Variants in FYB1 observed in about 807,000 individuals in gnomAD.
FYB1 encodes the protein FYN-binding protein 1.
A neutral mutation model predicts 94.1 loss-of-function variants in FYB1; 41 were observed. The observed-to-expected ratio is 0.44, with a 90% CI of 0.34 to 0.57. The LOEUF (loss-of-function observed/expected upper bound fraction) is 0.57, where lower values mean the gene tolerates loss of function less well. FYB1 is among the 20% of genes least tolerant of loss of function. The pLI is 0.02. For missense variants in FYB1, 1,050 were observed against 976.8 expected, an observed-to-expected ratio of 1.07 and a Z score of -1.00; for synonymous variants, 367 against 353.2, an observed-to-expected ratio of 1.04 and a Z score of -0.44.
intron 1 of FYB1, among the ~76,000 whole-genome samples, chr5:39,212,394 A>T (rs1749479227): frequency 6.6e-6 from 1 of 152,238 alleles, no homozygotes; most frequent in Non-Finnish European, 1.5e-5. Flanking sequence ...GGAAAGTGAA[A>T]GCTATACATT....
intron 2 of FYB1, among the ~76,000 whole-genome samples, chr5:39,167,693 G>C (rs992136476): frequency 4.1e-4 from 63 of 152,240 alleles, no homozygotes; most frequent in Middle Eastern, 3.4e-3. Flanking sequence ...GCAGTGGTGG[G>C]GGGAAGTGTT....
intron 2 of FYB1, among the ~76,000 whole-genome samples, chr5:39,196,510 C>T (rs1360790752): frequency 7.2e-5 from 11 of 152,094 alleles, no homozygotes; most frequent in African/African-American, 2.4e-5. Flanking sequence ...AAATAGAATT[C>T]TGTGAAAGAA....
At chr5:39,195,187 G>T (rs186618113) in intron 2 of FYB1, among the ~76,000 whole-genome samples, 2 of 152,240 alleles carry the variant, frequency 1.3e-5, no homozygotes, top group East Asian at 3.9e-4. Flanking sequence ...CGTTCCCAGT[G>T]CACAGTGACA....
At chr5:39,227,114 C>T (rs1201805229) in intron 1 of FYB1, among the ~76,000 whole-genome samples, 2 of 152,128 alleles carry the variant, frequency 1.3e-5, no homozygotes, top group African/African-American at 2.4e-5. Flanking sequence ...CACATAAATT[C>T]ACACACACTC....
intron 1 of FYB1, among the ~76,000 whole-genome samples, chr5:39,216,847 A>G (rs111366223): frequency 0.027 from 4,046 of 152,330 alleles, 79 homozygotes; most frequent in Non-Finnish European, 0.042. Context: ...CACTGCTCTG[A>G]CCAACTCACA....
intron 2 of FYB1, among the ~76,000 whole-genome samples, chr5:39,198,573 C>T (rs1748030519): frequency 6.6e-6 from 1 of 152,016 alleles, no homozygotes; most frequent in Non-Finnish European, 1.5e-5. Flanking sequence ...TATGATGGTA[C>T]AAAAGCAATA....
At position 39,202,012 on chromosome 5, in the gene FYB1, G is replaced by A. The variant is rs775511693; in HGVS notation, c.949C>T (p.Pro317Ser). 1.2e-6 allele frequency: 2 copies of A among 1,613,868 alleles called. No homozygotes were observed. The highest frequency in any genetic ancestry group is 2.7e-5 in the African/African-American group (2 of 74,916). ...GGCCCCCCCACTGTCAGCTTAGAAG[G>A]GGCCTTAGGGAACCTGGCAGGAGGA... ...GTPPARFPKA[P>S]SKLTVGGPWG... The change falls in exon 2 of 19, where the codon CCT (proline) becomes TCT (serine). Residue 317 changes from proline (P) to serine (S), a missense_variant. Physicochemically the swap from Pro to Ser is moderately conservative, Grantham distance 74. Coordinates refer to ENST00000512982, the MANE Select transcript of FYB1 (RefSeq NM_001465.6).
chr5:39,189,675 G>A (rs1747180686), intron 2 of FYB1, among the ~76,000 whole-genome samples: 1 of 152,208 alleles, frequency 6.6e-6, no homozygotes, highest in Non-Finnish European at 1.5e-5. Flanking sequence ...GAGCTACAGG[G>A]AGAAGGCAGG....
At chr5:39,178,680 C>G (rs1007312898) in intron 2 of FYB1, among the ~76,000 whole-genome samples, 1 of 151,576 alleles carries the variant, frequency 6.6e-6, no homozygotes, top group Non-Finnish European at 1.5e-5. Flanking sequence ...TTAACTGCAA[C>G]AAGATTCAAA....
chr5:39,135,154 G>T, intron 7 of FYB1, 140 bp from the exon 8 acceptor site: 1 of 936,098 alleles, frequency 1.1e-6, no homozygotes, highest in Non-Finnish European at 1.6e-6. Context: ...CAGAAATTGA[G>T]GGTGAATGTT....
Position 39,269,119 on chromosome 5 carries a change from G to A in FYB1, c.-28+5284C>T, listed in dbSNP as rs184356622. On this transcript the variant is annotated intron_variant, in intron 1 of 1. Transcript: ENST00000510188. ...GGCTAGAGCGCAGTGGCGTGATCTC[G>A]GCTCACTGCAAGCTCTGCCTCCCGG... Among the ~76,000 whole-genome samples the A allele has an allele frequency of 1.4e-3, 207 of 151,358 alleles. 3 individuals carry two copies. The East Asian group carries it at 0.034, about 25-fold the overall frequency.
chr5:39,236,885 G>C (rs1750988601), intron 1 of FYB1, among the ~76,000 whole-genome samples: 1 of 152,098 alleles, frequency 6.6e-6, no homozygotes, highest in South Asian at 2.1e-4. Flanking sequence ...TTGCTATGAA[G>C]ACTGGCACAA....
intron 2 of FYB1, chr5:39,170,267 C>A: frequency 7.6e-7 from 1 of 1,313,322 alleles, no homozygotes. Flanking sequence ...AGAGCTGTTG[C>A]AGCCCCTTGA....
At chr5:39,248,411 A>C (rs1034599144) in intron 1 of FYB1, among the ~76,000 whole-genome samples, 16 of 152,144 alleles carry the variant, frequency 1.1e-4, no homozygotes, top group Admixed American at 1.3e-4. Context: ...CTGGGACAAC[A>C]GGCTTCTTAG....
At chr5:39,262,476 T>C (rs2111650000) in intron 1 of FYB1, among the ~76,000 whole-genome samples, 1 of 152,340 alleles carries the variant, frequency 6.6e-6, no homozygotes, top group Middle Eastern at 3.4e-3. Context: ...GTCAAAACTC[T>C]ATCAATAAAT....
Position 39,106,107 on chromosome 5 carries a change from T to C in FYB1, c.*1336A>G, listed in dbSNP as rs1760360202. 1 of 152,202 alleles carries C rather than the reference T, an allele frequency of 6.6e-6. No individual in the cohort carries two copies. The highest frequency in any genetic ancestry group is 2.4e-5 in the African/African-American group (1 of 41,462). 9.4% of individuals were successfully genotyped at this position (152,202 alleles called of 1,614,324 possible). A position where few individuals can be genotyped will look rare whatever the true frequency, so the allele number is the denominator to read the frequency against. On this transcript the variant is annotated 3_prime_UTR_variant, in exon 19 of 19. Transcript: ENST00000512982. ...TGAGTTTAAAAAATAGACAAAAGCT[T>C]CTGAAACATGGGACTGAAGTAGGCG... is the stretch of plus-strand genomic sequence containing the variant.
Position 39,153,487 on chromosome 5 carries a change from C to CTGT in FYB1, c.1252_1253insACA (p.Pro417_Ser418insAsn). On this transcript the variant is annotated inframe_insertion, in exon 3 of 19. Coordinates refer to ENST00000512982, the MANE Select transcript of FYB1 (RefSeq NM_001465.6). The stretch of plus-strand genomic sequence containing the variant: ...AGGTTTAATGTTTCTGGGAGGTAGG[C>CTGT]TTGGGACTGGTGGTTGTGATGGGTG... The CTGT allele has an allele frequency of 6.2e-7, 1 of 1,613,802 alleles. No homozygotes were observed. The highest frequency in any genetic ancestry group is 8.5e-7 in the Non-Finnish European group (1 of 1,179,846).
chr5:39,207,830 T>C (rs1193497892), intron 1 of FYB1, among the ~76,000 whole-genome samples: 3 of 152,172 alleles, frequency 2.0e-5, no homozygotes, highest in Admixed American at 1.3e-4. Flanking sequence ...TCTGGAAGCA[T>C]TTTTGACGAA....
chr5:39,236,044 C>G (rs1180027330), intron 1 of FYB1, among the ~76,000 whole-genome samples: 1 of 151,824 alleles, frequency 6.6e-6, no homozygotes, highest in Non-Finnish European at 1.5e-5. Flanking sequence ...TTGGACAGTA[C>G]AGGACCAGGA....
Sources: allele counts gnomAD v4.1 joint callset (sites outside exome capture counted in the v4.1 genomes callset), GRCh38; gene constraint gnomAD v4.1.1; transcripts MANE v1.5; gene names NCBI Gene and HGNC (gene_info 2026-07-23, HGNC 2026-07-21).